FAM53A: variants seen among roughly 807,000 people sequenced by gnomAD.
The protein encoded by FAM53A is protein FAM53A.
In FAM53A, 28 loss-of-function variants were observed where a neutral mutation model predicts 26.6. The ratio of observed to expected loss-of-function variants is 1.05; its 90% CI spans 0.78 to 1.45. The LOEUF is 1.45. Among genes scored for constraint, FAM53A ranks in the 40% most tolerant of loss-of-function variants. The pLI, the probability that FAM53A is intolerant of heterozygous loss-of-function variation, is 0.00. For synonymous variants in FAM53A, 290 were observed against 253.1 expected (o/e 1.15, Z -1.38); for missense variants, 650 against 575.8 (o/e 1.13, Z -1.32).
In FAM53A at chr4:1,618,974, A is replaced by AACGCTGCTCC. The variant is rs1714913956; in HGVS notation, c.432-873_432-864dup. Among the ~76,000 whole-genome samples, 3 of 152,314 alleles carry AACGCTGCTCC rather than the reference A, an allele frequency of 2.0e-5. No individual in the cohort carries two copies. In the South Asian group the frequency reaches 6.2e-4, roughly 32 times the overall value. ...CACATCAACCTGCACCCAACCCAGC[A>AACGCTGCTCC]ACGCTGCTCCACGCTGCCAACAAGA... On this transcript the variant is annotated intron_variant, in intron 1 of 1. Coordinates refer to the FAM53A transcript ENST00000489029.
At chr4:1,606,129 C>T in the FAM53A span, among the ~76,000 whole-genome samples, 1 of 151,478 alleles carries the variant, frequency 6.6e-6, no homozygotes, top group Non-Finnish European at 1.5e-5. Context: ...AGCTCCGCCT[C>T]CCGGGTTCAC....
chr4:1,638,779 G>C (rs932756665), downstream of FAM53A, among the ~76,000 whole-genome samples: 1 of 152,206 alleles, frequency 6.6e-6, no homozygotes, highest in East Asian at 1.9e-4. Context: ...GGGGCCCCTG[G>C]GCTGGGGTGT....
intron 1 of FAM53A, among the ~76,000 whole-genome samples, chr4:1,632,947 G>A (rs950541407): frequency 1.3e-5 from 2 of 152,188 alleles, no homozygotes; most frequent in African/African-American, 4.8e-5. Context: ...ATGCACACAC[G>A]TGCACAGACA....
chr4:1,600,556 G>C, the FAM53A span, among the ~76,000 whole-genome samples: 8 of 152,162 alleles, frequency 5.3e-5, no homozygotes, highest in East Asian at 1.5e-3. Context: ...GGCCCCACAC[G>C]GCCAGGGTGA....
At chr4:1,599,332 C>A in the FAM53A span, among the ~76,000 whole-genome samples, 1 of 152,152 alleles carries the variant, frequency 6.6e-6, no homozygotes, top group Non-Finnish European at 1.5e-5. This position sits in a 1 kb window ranked among gnomAD's most constrained non-coding sequence, Gnocchi z 6.1. Context: ...GGTACTTGGC[C>A]GGAGCAGAAG....
Position 1,655,110 on chromosome 4 carries a change from G to A in FAM53A, c.750C>T (p.Gly250=), listed in dbSNP as rs372730368. The change falls in exon 4 of 5, where the codon GGC becomes GGT. Residue 250 remains glycine (G), a synonymous_variant. Coordinates refer to ENST00000308132, the MANE Select transcript of FAM53A (RefSeq NM_001174070.3). ...GGCACCGGAGCAGCCCACGGCGCCCGCCCAGCGCAGGCGTGGACGTGGGGC... is the reference window on the plus strand; with the variant it reads ...GGCACCGGAGCAGCCCACGGCGCCCACCCAGCGCAGGCGTGGACGTGGGGC... ...SSSPTSTPAL[G]GRRGLLRCRS... 2.2e-5 allele frequency: 35 copies of A among 1,599,820 alleles called. No individual in the cohort carries two copies. Among genetic ancestry groups the A allele is most frequent in the South Asian group, 5.6e-5 (5 of 89,688 alleles).
chr4:1,601,645 C>A, the FAM53A span, among the ~76,000 whole-genome samples: 1 of 111,164 alleles, frequency 9.0e-6, no homozygotes, highest in Non-Finnish European at 2.2e-5. Flanking sequence ...CCATGCCCAA[C>A]CCTCAAGGCC....
rs147207710 is a variant in FAM53A, at chr4:1,668,668, G to C, written c.74C>G (p.Pro25Arg). The change falls in exon 2 of 5, where the codon CCG (proline) becomes CGG (arginine). Residue 25 changes from proline (P) to arginine (R), a missense_variant and splice_region_variant. By Grantham distance (103) the Pro-to-Arg change is moderately radical (BLOSUM62 -2). Coordinates refer to ENST00000308132, the MANE Select transcript of FAM53A (RefSeq NM_001174070.3). ...CTGGTGCCACCTGCAGCTGCTTACC[G>C]GGCCAGCCTCCGCCTTGCAGGTGAG... ...DDLTCKAEAG[P>R]LQYSAETLNK... is the part of the protein sequence containing the mutation. The C allele has an allele frequency of 2.5e-6, 4 of 1,614,016 alleles. No homozygotes were observed. Among genetic ancestry groups the C allele is most frequent in the Non-Finnish European group, 3.4e-6 (4 of 1,180,012 alleles).
At position 1,641,565 on chromosome 4, in the gene FAM53A, C is replaced by G. The variant is rs1435734111; in HGVS notation, c.925G>C (p.Asp309His). 1.2e-6 allele frequency: 2 copies of G among 1,614,180 alleles called. No homozygotes were observed. The highest frequency in any genetic ancestry group is 1.3e-5 in the African/African-American group (1 of 75,062). Residue 309 changes from aspartate (D) to histidine (H), a missense_variant, in exon 5 of 5, where the codon GAT (aspartate) becomes CAT (histidine). Coordinates refer to ENST00000308132, the MANE Select transcript of FAM53A (RefSeq NM_001174070.3). ...ACTGGGGTGTCATCCTCATCGTCAT[C>G]TTCGTAATTGAGGGAGCAAAGGCTT... is the stretch of plus-strand genomic sequence containing the variant. Reference protein sequence around the residue: ...SKSLCSLNYEDDDEDDTPVKT... With the variant: ...SKSLCSLNYEHDDEDDTPVKT...
Position 1,655,537 on chromosome 4 carries a change from C to A in FAM53A, c.323G>T (p.Ser108Ile). The stretch of plus-strand genomic sequence containing the variant: ...CGGTGGGGCCGTGGACGAGCCTGTG[C>A]TTTCACTGGGGTCCACGGTGCTGGC... ...GAASTVDPSE[S>I]TGSSTAPPTK... Residue 108 changes from serine to isoleucine, a missense_variant, in exon 4 of 5, where the codon AGC becomes ATC. Transcript: ENST00000308132. The A allele has an allele frequency of 6.4e-7, 1 of 1,566,600 alleles. No homozygotes were observed. The highest frequency in any genetic ancestry group is 1.9e-5 in the Admixed American group (1 of 52,538).
downstream of FAM53A, among the ~76,000 whole-genome samples, chr4:1,635,836 C>CTTTTTT (rs141715501): frequency 1.2e-3 from 94 of 81,514 alleles, no homozygotes; most frequent in East Asian, 2.4e-3. Context: ...AATACTAATT[C>CTTTTTT]TTTTTTTTTT....
the FAM53A span, among the ~76,000 whole-genome samples, chr4:1,606,309 T>C: frequency 6.6e-6 from 1 of 151,782 alleles, no homozygotes; most frequent in East Asian, 1.9e-4. Context: ...CCTCCCAAAG[T>C]GCTGGGATTA....
chr4:1,638,081 C>T (rs1715926179), downstream of FAM53A, among the ~76,000 whole-genome samples: 1 of 152,092 alleles, frequency 6.6e-6, no homozygotes. Flanking sequence ...CTCTCTCCAT[C>T]CCCAAGGGGC....
At chr4:1,605,685 G>A in the FAM53A span, among the ~76,000 whole-genome samples, 4 of 152,132 alleles carry the variant, frequency 2.6e-5, no homozygotes, top group African/African-American at 7.2e-5. The surrounding 1 kb of genome is among the most constrained non-coding windows in gnomAD (Gnocchi z 5.7). Context: ...CCTGCAGGGT[G>A]AGCTCTGCCC....
the FAM53A span, among the ~76,000 whole-genome samples, chr4:1,599,549 G>C: frequency 6.6e-6 from 1 of 152,198 alleles, no homozygotes; most frequent in Non-Finnish European, 1.5e-5. This position sits in a 1 kb window ranked among gnomAD's most constrained non-coding sequence, Gnocchi z 6.1. Flanking sequence ...GCATGAGAAA[G>C]AATTGTGCAA....
the FAM53A span, among the ~76,000 whole-genome samples, chr4:1,595,597 C>G: frequency 1.2e-4 from 18 of 152,236 alleles, no homozygotes; most frequent in Admixed American, 1.2e-3. Context: ...AAAAAAACAG[C>G]ACCAAGCAGC....
rs925282329 is a variant in FAM53A, at chr4:1,659,390, G to T, written c.76-1922C>A. 5.9e-5 allele frequency among the ~76,000 whole-genome samples: 9 copies of T among 152,230 alleles called. No homozygotes were observed. The highest frequency in any genetic ancestry group is 1.3e-4 in the Admixed American group (2 of 15,288). Reference sequence around the variant, plus strand: ...TCTCCTCCTGTTCCGCACAGCACCCGTTCCCCGGGGCCACATGAACAGCAC... The same window carrying T: ...TCTCCTCCTGTTCCGCACAGCACCCTTTCCCCGGGGCCACATGAACAGCAC... On this transcript the variant is annotated intron_variant, in intron 2 of 4. Transcript: ENST00000308132. This position sits in a 1 kb window ranked among gnomAD's most constrained non-coding sequence, Gnocchi z 5.2.
Position 1,622,016 on chromosome 4 carries a change from C to T in FAM53A, c.432-3905G>A, listed in dbSNP as rs115704899. ...GGGGCACATATTAAAGGGCAGGTTC[C>T]GACCCCATCTGCTCTCTCGCCTTCC... On this transcript the variant is annotated intron_variant, in intron 1 of 1. Coordinates refer to the FAM53A transcript ENST00000489029. Among the ~76,000 whole-genome samples, 1,448 of 152,214 alleles carry T rather than the reference C, an allele frequency of 9.5e-3. 17 individuals are homozygous for T. Among genetic ancestry groups the T allele is most frequent in the African/African-American group, 0.028 (1,166 of 41,512 alleles).
At position 1,640,354 on chromosome 4, in the gene FAM53A, C is replaced by T. The variant is rs890060386; in HGVS notation, c.*939G>A. 15 of 240,446 alleles carry T rather than the reference C, an allele frequency of 6.2e-5. 1 individual carries two copies. Among genetic ancestry groups the T allele is most frequent in the South Asian group, 4.2e-4 (9 of 21,620 alleles). The allele number at this position is 240,446 out of a possible 1,614,324, so 14.9% of individuals were successfully genotyped here. Reference sequence around the variant, plus strand: ...TGACCCGTCGGGAGGGGGGGACACACGGGGCCAGTGGGACTCTGACCACCA... The same window carrying T: ...TGACCCGTCGGGAGGGGGGGACACATGGGGCCAGTGGGACTCTGACCACCA... On this transcript the variant is annotated 3_prime_UTR_variant, in exon 5 of 5. Transcript: ENST00000308132.
Sources: allele counts gnomAD v4.1 joint callset (sites outside exome capture counted in the v4.1 genomes callset), GRCh38; gene constraint gnomAD v4.1.1; non-coding constraint Gnocchi (gnomAD v3.1); transcripts MANE v1.5; gene names NCBI Gene and HGNC (gene_info 2026-07-23, HGNC 2026-07-21).